The following PPFIA4 variants were observed in gnomAD, a reference collection of about 807,000 sequenced individuals.
The protein encoded by PPFIA4 is PPFI scaffold protein A4, also known as liprin-alpha-4.
PPFIA4 carries 98 observed loss-of-function variants against 145.7 expected under a neutral mutation model. The observed-to-expected ratio is 0.67, with a 90% CI of 0.57 to 0.80. PPFIA4 has a LOEUF of 0.80. Among genes scored for constraint, PPFIA4 ranks in the 30% least tolerant of loss-of-function variants. The pLI is 0.00. For synonymous variants in PPFIA4, 628 were observed against 649.6 expected (o/e 0.97, Z 0.51); for missense variants, 1,457 against 1,632.7 (o/e 0.89, Z 1.85).
intron 13 of PPFIA4, chr1:203,051,433 C>T (rs947217844): frequency 1.4e-6 from 1 of 709,920 alleles, no homozygotes; most frequent in Non-Finnish European, 1.8e-6. Context: ...CGGAGAGCCT[C>T]TGCTCGAATA....
At position 203,067,683 on chromosome 1, in the gene PPFIA4, G is replaced by C. The variant is rs900905400; in HGVS notation, c.3051-12G>C. 1 of 1,613,010 alleles carries C rather than the reference G, an allele frequency of 6.2e-7. No homozygotes were observed. Among genetic ancestry groups the C allele is most frequent in the Non-Finnish European group, 8.5e-7 (1 of 1,179,132 alleles). ...CCACTGAGGCTCTGGCTTGGGGGCT[G>C]TGTGCCTGCAGAACCAGTCTTCAGT... On this transcript the variant is annotated splice_polypyrimidine_tract_variant and intron_variant, in intron 25 of 29. Transcript: ENST00000295706.
At chr1:203,036,652 G>A (rs1039296764) in intron 1 of PPFIA4, among the ~76,000 whole-genome samples, 1 of 152,220 alleles carries the variant, frequency 6.6e-6, no homozygotes, top group African/African-American at 2.4e-5. Context: ...AGCATTCAGG[G>A]TGGAGGGACC....
Position 203,049,778 on chromosome 1 carries a change from G to T in PPFIA4, c.1511+11G>T, listed in dbSNP as rs376813657. On this transcript the variant is annotated intron_variant, in intron 13 of 29. Coordinates refer to ENST00000295706, the MANE Select transcript of PPFIA4 (RefSeq NM_001304331.2). ...TGGCGTCCACTCCAGGTACTGCAGC[G>T]CCAGAGGCTGGGCATGCCAGGACGG... 3.9e-6 allele frequency: 6 copies of T among 1,542,646 alleles called. 1 individual carries two copies. Among genetic ancestry groups the T allele is most frequent in the South Asian group, 3.7e-5 (3 of 80,190 alleles).
chr1:203,035,931 G>T (rs1030298090), intron 1 of PPFIA4, among the ~76,000 whole-genome samples: 1 of 152,212 alleles, frequency 6.6e-6, no homozygotes, highest in Admixed American at 6.5e-5. Context: ...GGAGTTGCTC[G>T]CTGGCACCTG....
chr1:203,074,154 C>T (rs576479136), intron 28 of PPFIA4, among the ~76,000 whole-genome samples: 1 of 152,252 alleles, frequency 6.6e-6, no homozygotes, highest in East Asian at 1.9e-4. Flanking sequence ...TCATGCATGG[C>T]TTAATGATGC....
intron 24 of PPFIA4, among the ~76,000 whole-genome samples, chr1:203,062,611 C>G (rs1325422874): frequency 6.6e-6 from 1 of 150,816 alleles, no homozygotes; most frequent in South Asian, 2.1e-4. Context: ...TCAGGGAAAA[C>G]CCCACCAGCA....
intron 27 of PPFIA4, 126 bp from the exon 28 acceptor site, chr1:203,071,566 A>G: frequency 1.4e-6 from 1 of 716,580 alleles, no homozygotes; most frequent in East Asian, 2.7e-5. Flanking sequence ...AAAGGCCTCT[A>G]ATGGGCTAAA....
chr1:203,060,301 A>G lies in PPFIA4; in HGVS notation c.2668A>G (p.Thr890Ala). 2 of 1,614,090 alleles carry G rather than the reference A, an allele frequency of 1.2e-6. No homozygotes were observed. Among genetic ancestry groups the G allele is most frequent in the Non-Finnish European group, 1.7e-6 (2 of 1,179,956 alleles). ...TGCCATCATGTCCGCTCTGTCGGAC[A>G]CAGAGATCCAGCGGGAGATCGGCAT... The part of the protein sequence containing the change: ...SGAIMSALSD[T>A]EIQREIGISN... Residue 890 changes from threonine (T) to alanine (A), a missense_variant, in exon 22 of 30, where the codon ACA becomes GCA. Coordinates refer to ENST00000295706, the MANE Select transcript of PPFIA4 (RefSeq NM_001304331.2). The surrounding 1 kb of genome is among the most constrained non-coding windows in gnomAD (Gnocchi z 4.8).
At chr1:203,035,335 G>T (rs1409556833) in intron 1 of PPFIA4, 2 of 456,504 alleles carry the variant, frequency 4.4e-6, no homozygotes, top group Non-Finnish European at 8.8e-6. Flanking sequence ...AGGCAGGAGG[G>T]AGCCAGGCCT....
intron 6 of PPFIA4, 117 bp from the exon 7 acceptor site, chr1:203,045,251 G>A: frequency 2.2e-6 from 2 of 898,928 alleles, no homozygotes; most frequent in Non-Finnish European, 3.3e-6. Context: ...TGTGATGTTG[G>A]GGGCAGAGCC....
intron 1 of PPFIA4, among the ~76,000 whole-genome samples, chr1:203,028,303 A>G (rs1451953456): frequency 6.6e-6 from 1 of 152,144 alleles, no homozygotes; most frequent in Non-Finnish European, 1.5e-5. Flanking sequence ...AGGGCATGGC[A>G]GGCAGCCAGG....
chr1:203,053,703 A>C (rs1200485329), intron 14 of PPFIA4, 50 bp from the exon 15 acceptor site: 13 of 1,484,952 alleles, frequency 8.8e-6, no homozygotes, highest in Non-Finnish European at 9.2e-7. Context: ...CCTGCTCTGC[A>C]GTTATCTGGG....
chr1:203,048,459 T>C lies in PPFIA4; in HGVS notation c.1225-124T>C. ...GGCTGGCAGGTGAAGGGGGAGGTGG[T>C]CAGGAGACTGGAGAGAGTGGCTCCC... On this transcript the variant is annotated intron_variant, in intron 10 of 29. Coordinates refer to ENST00000295706, the MANE Select transcript of PPFIA4 (RefSeq NM_001304331.2). The surrounding 1 kb of genome is among the most constrained non-coding windows in gnomAD (Gnocchi z 5.8). The C allele has an allele frequency of 6.8e-7, 1 of 1,479,442 alleles. No individual in the cohort carries two copies. The highest frequency in any genetic ancestry group is 9.2e-7 in the Non-Finnish European group (1 of 1,088,598). 91.6% of individuals were successfully genotyped at this position (1,479,442 alleles called of 1,614,324 possible). A position where few individuals can be genotyped will look rare whatever the true frequency, so the allele number is the denominator to read the frequency against.
chr1:203,056,683 G>T, intron 18 of PPFIA4, 101 bp from the exon 19 acceptor site: 2 of 1,302,872 alleles, frequency 1.5e-6, no homozygotes, highest in South Asian at 1.4e-5. Context: ...TCCCAGTTCT[G>T]ACTTAATAGA....
intron 7 of PPFIA4, 31 bp downstream of exon 7, chr1:203,045,590 C>T: frequency 1.3e-6 from 2 of 1,534,326 alleles, no homozygotes; most frequent in East Asian, 2.4e-5. Context: ...GCTCTGTGAC[C>T]TCATTGTGGA....
chr1:203,044,344 C>T (rs1329877387), intron 4 of PPFIA4, 35 bp from the exon 5 acceptor site: 6 of 1,543,554 alleles, frequency 3.9e-6, no homozygotes, highest in African/African-American at 2.7e-5. Context: ...AGTGGGGTCC[C>T]CCTTTCTTCC....
chr1:203,054,927 A>AGT (rs1216906020), intron 15 of PPFIA4, among the ~76,000 whole-genome samples: 6 of 151,896 alleles, frequency 4.0e-5, no homozygotes, highest in Non-Finnish European at 7.4e-5. Context: ...TGTGTGAGAG[A>AGT]GTGTGTGTGT....
Position 203,075,643 on chromosome 1 carries a change from G to A in PPFIA4, c.3460G>A (p.Gly1154Ser), listed in dbSNP as rs771562799. The change falls in exon 29 of 30, where the codon GGT becomes AGT. Residue 1154 changes from glycine to serine, a missense_variant. Gly to Ser is a moderately conservative substitution (Grantham distance 56). This residue lies in a region of PPFIA4 where 146 missense variants were observed against 126.2 expected (regional missense o/e 1.16). Transcript: ENST00000295706. This position sits in a 1 kb window ranked among gnomAD's most constrained non-coding sequence, Gnocchi z 4.1. ...GCGCTTCCGGCCGCGGGAGCACCAC[G>A]GTCGCGGCGGCATGCTCAGCGCTTC... is the stretch of plus-strand genomic sequence containing the variant. ...RKRFRPREHH[G>S]RGGMLSASAE... 4.0e-6 allele frequency: 6 copies of A among 1,500,712 alleles called. No homozygotes were observed. The highest frequency in any genetic ancestry group is 2.9e-5 in the African/African-American group (2 of 68,800). 93.0% of individuals were successfully genotyped at this position (1,500,712 alleles called of 1,614,324 possible).
Position 203,075,575 on chromosome 1 carries a change from A to G in PPFIA4, c.3394-2A>G. On this transcript the variant is annotated splice_acceptor_variant, in intron 28 of 29. Coordinates refer to ENST00000295706, the MANE Select transcript of PPFIA4 (RefSeq NM_001304331.2). LOFTEE classifies it high-confidence loss of function. This position sits in a 1 kb window ranked among gnomAD's most constrained non-coding sequence, Gnocchi z 4.1. ...GGGCCTCTGGTGTCCCCCATGGTGC[A>G]GGGGGATGACAAGGTGTTTCGCCGC... The G allele has an allele frequency of 6.9e-7, 1 of 1,453,936 alleles. No individual in the cohort carries two copies. 90.1% of individuals were successfully genotyped at this position (1,453,936 alleles called of 1,614,324 possible). A position where few individuals can be genotyped will look rare whatever the true frequency, so the allele number is the denominator to read the frequency against.
Sources: allele counts gnomAD v4.1 joint callset (sites outside exome capture counted in the v4.1 genomes callset), GRCh38; gene constraint gnomAD v4.1.1; regional missense constraint gnomAD v4.1.1; non-coding constraint Gnocchi (gnomAD v3.1); transcripts MANE v1.5; gene names NCBI Gene and HGNC (gene_info 2026-07-23, HGNC 2026-07-21).